Variants in GABRA3 observed in about 807,000 individuals in gnomAD.
GABRA3 encodes the protein gamma-aminobutyric acid receptor subunit alpha-3.
A neutral mutation model predicts 30.1 loss-of-function variants in GABRA3; 10 were observed. The ratio of observed to expected loss-of-function variants is 0.33; its 90% confidence interval spans 0.20 to 0.56. The LOEUF is 0.56. Among genes scored for constraint, GABRA3 ranks in the 20% least tolerant of loss-of-function variants. The pLI is 0.89. For synonymous variants in GABRA3, 151 were observed against 146.8 expected (o/e 1.03, Z -0.21); for missense variants, 233 against 392.0 (o/e 0.59, Z 3.42).
intron 7 of GABRA3, among the ~76,000 whole-genome samples, chrX:152,199,106 C>T (rs944906392): frequency 1.7e-4 from 19 of 111,278 alleles, no homozygotes; most frequent in African/African-American, 5.5e-4. Context: ...CTCAAGCCTG[C>T]CTGTAATCCC....
At chrX:152,244,865 TGAAA>T (rs762505128) in intron 5 of GABRA3, among the ~76,000 whole-genome samples, 6 of 111,696 alleles carry the variant, frequency 5.4e-5, no homozygotes, top group South Asian at 3.8e-4. Flanking sequence ...ATTAATTGAA[TGAAA>T]GAGTCACCTA....
chrX:152,181,210 AT>A (rs1937141713), intron 9 of GABRA3, among the ~76,000 whole-genome samples: 1 of 111,402 alleles, frequency 9.0e-6, no homozygotes, highest in Non-Finnish European at 1.9e-5. Flanking sequence ...CAATTTCTTT[AT>A]TTGGTATTTT....
chrX:152,179,609 C>T (rs1447885827), intron 9 of GABRA3, among the ~76,000 whole-genome samples: 6 of 108,973 alleles, frequency 5.5e-5, no homozygotes, highest in Non-Finnish European at 1.1e-4. Context: ...ATTCTCCTGC[C>T]TCAGCCTCCC....
chrX:152,436,377 C>T (rs1352716313), intron 1 of GABRA3, among the ~76,000 whole-genome samples: 1 of 111,800 alleles, frequency 8.9e-6, no homozygotes, highest in East Asian at 2.8e-4. Flanking sequence ...TGGGTAGCTG[C>T]CTGGCCTCTA....
intron 3 of GABRA3, among the ~76,000 whole-genome samples, chrX:152,343,153 C>A (rs889409599): frequency 3.6e-5 from 4 of 111,087 alleles, no homozygotes; most frequent in Non-Finnish European, 7.5e-5. Context: ...TAACCTTGGC[C>A]TCCCCAATTT....
chrX:152,426,282 T>G (rs1200800131), intron 1 of GABRA3, among the ~76,000 whole-genome samples: 1 of 111,599 alleles, frequency 9.0e-6, no homozygotes, highest in African/African-American at 3.3e-5. Flanking sequence ...CCTACCTCAC[T>G]GGGTGGGTAG....
At chrX:152,294,186 G>A (rs1482303535) in intron 3 of GABRA3, among the ~76,000 whole-genome samples, 1 of 111,394 alleles carries the variant, frequency 9.0e-6, no homozygotes, top group African/African-American at 3.3e-5. Context: ...TTGCTAGGTT[G>A]GGGAAGTTCT....
chrX:152,244,148 T>C (rs1453425700), intron 5 of GABRA3, among the ~76,000 whole-genome samples: 1 of 112,067 alleles, frequency 8.9e-6, no homozygotes, highest in Non-Finnish European at 1.9e-5. Context: ...TACATATGTC[T>C]TGTCTCCTGA....
intron 3 of GABRA3, among the ~76,000 whole-genome samples, chrX:152,305,446 A>T (rs1360190529): frequency 9.0e-6 from 1 of 111,237 alleles, no homozygotes; most frequent in Non-Finnish European, 1.9e-5. Context: ...TTATTGTCCC[A>T]AGTAATCACA....
At chrX:152,234,056 G>T (rs1226331372) in intron 5 of GABRA3, among the ~76,000 whole-genome samples, 1 of 69,211 alleles carries the variant, frequency 1.4e-5, no homozygotes, top group African/African-American at 5.6e-5. Flanking sequence ...TGGGGTGGGG[G>T]GAGGGGGGAG....
At chrX:152,446,171 G>A (rs1931081388) in intron 1 of GABRA3, among the ~76,000 whole-genome samples, 1 of 112,052 alleles carries the variant, frequency 8.9e-6, no homozygotes, top group Non-Finnish European at 1.9e-5. Context: ...AGAGTGGGAA[G>A]GACTGTTATA....
At chrX:152,268,014 A>G (rs866528215) in intron 4 of GABRA3, among the ~76,000 whole-genome samples, 1 of 103,967 alleles carries the variant, frequency 9.6e-6, no homozygotes, top group African/African-American at 3.7e-5. Flanking sequence ...TATTACACCT[A>G]CTAATTTGGG....
chrX:152,443,851 A>T (rs1397059619), intron 1 of GABRA3, among the ~76,000 whole-genome samples: 1 of 112,153 alleles, frequency 8.9e-6, no homozygotes, highest in African/African-American at 3.2e-5. Flanking sequence ...ATTATGGTAG[A>T]AATTGAAAAC....
chrX:152,177,051 T>C (rs886280750), intron 9 of GABRA3, among the ~76,000 whole-genome samples: 1 of 111,732 alleles, frequency 8.9e-6, no homozygotes, highest in Non-Finnish European at 1.9e-5. Context: ...GACACCTTTT[T>C]CAAAGAAGAC....
At chrX:152,437,348 A>C (rs983465828) in intron 1 of GABRA3, among the ~76,000 whole-genome samples, 1 of 112,168 alleles carries the variant, frequency 8.9e-6, no homozygotes, top group Non-Finnish European at 1.9e-5. Context: ...AACTCTGATA[A>C]GAGAAATCAA....
intron 1 of GABRA3, among the ~76,000 whole-genome samples, chrX:152,418,501 A>C (rs771019862): frequency 8.9e-6 from 1 of 111,828 alleles, no homozygotes; most frequent in African/African-American, 3.2e-5. Flanking sequence ...AGCAAATCAA[A>C]ATTTCTGGGA....
chrX:152,410,118 A>G (rs1930032588), intron 1 of GABRA3, among the ~76,000 whole-genome samples: 1 of 112,237 alleles, frequency 8.9e-6, no homozygotes, highest in Admixed American at 9.4e-5. Flanking sequence ...GCCAGGCATG[A>G]AAAGAAAAAC....
intron 5 of GABRA3, among the ~76,000 whole-genome samples, chrX:152,254,242 C>T (rs1938601738): frequency 9.0e-6 from 1 of 110,681 alleles, no homozygotes; most frequent in South Asian, 3.8e-4. Context: ...TCCCATGTCC[C>T]TTCCCCTACT....
At chrX:152,223,569 C>T (rs1937882070) in intron 6 of GABRA3, among the ~76,000 whole-genome samples, 1 of 110,337 alleles carries the variant, frequency 9.1e-6, no homozygotes, top group South Asian at 3.9e-4. Context: ...TCTGGCCAGC[C>T]ACACTGGCTG....
Sources: allele counts gnomAD v4.1 joint callset (sites outside exome capture counted in the v4.1 genomes callset), GRCh38; gene constraint gnomAD v4.1.1; transcripts MANE v1.5; gene names NCBI Gene and HGNC (gene_info 2026-07-23, HGNC 2026-07-21).